The following SNTG1 variants were observed in gnomAD, a reference collection of about 807,000 sequenced individuals.
SNTG1 encodes the protein syntrophin gamma 1.
In SNTG1, 39 loss-of-function variants were observed where a neutral mutation model predicts 74.7. The ratio of observed to expected loss-of-function variants is 0.52; its 90% CI spans 0.40 to 0.68. The LOEUF (loss-of-function observed/expected upper bound fraction) is 0.68. Ranked by LOEUF, SNTG1 falls within the 30% of genes least tolerant of loss-of-function variation. SNTG1 has a pLI of 0.00. For missense variants in SNTG1, 685 were observed against 609.5 expected, an observed-to-expected ratio of 1.12 and a Z score of -1.30; for synonymous variants, 254 against 217.1, an observed-to-expected ratio of 1.17 and a Z score of -1.49.
At chr8:50,009,264 T>A (rs940488379) in intron 1 of SNTG1, among the ~76,000 whole-genome samples, 5 of 152,166 alleles carry the variant, frequency 3.3e-5, no homozygotes, top group Non-Finnish European at 5.9e-5. Flanking sequence ...GTCATGCTTT[T>A]GTCAACTTTA....
Position 50,112,969 on chromosome 8 carries a change from A to G in SNTG1, c.-102-59592A>G, listed in dbSNP as rs938964099. ...TGGTCTATATCTCTGTTTCGGTACCAGTACCATGCTGTTTTGGTTACTGTA... is the reference window on the plus strand; with the variant it reads ...TGGTCTATATCTCTGTTTCGGTACCGGTACCATGCTGTTTTGGTTACTGTA... On this transcript the variant is annotated intron_variant, in intron 1 of 18. Coordinates refer to ENST00000642720, the MANE Select transcript of SNTG1 (RefSeq NM_018967.5). Among the ~76,000 whole-genome samples, 42 of 152,300 alleles carry G rather than the reference A, an allele frequency of 2.8e-4. 1 individual carries two copies. The highest frequency in any genetic ancestry group is 5.7e-4 in the Non-Finnish European group (39 of 68,032).
intron 2 of SNTG1, among the ~76,000 whole-genome samples, chr8:50,325,487 T>C (rs555251725): frequency 3.6e-4 from 55 of 152,192 alleles, no homozygotes; most frequent in Non-Finnish European, 3.1e-4. Flanking sequence ...ATGTAAATGA[T>C]ATTGCATCTT....
intron 2 of SNTG1, among the ~76,000 whole-genome samples, chr8:50,258,740 A>G (rs1036763490): frequency 6.6e-6 from 1 of 152,176 alleles, no homozygotes; most frequent in Admixed American, 6.5e-5. Flanking sequence ...CATCTGAATA[A>G]CACAGGAAAA....
chr8:50,341,580 T>A (rs1293933489), intron 2 of SNTG1, among the ~76,000 whole-genome samples: 6 of 151,962 alleles, frequency 3.9e-5, no homozygotes, highest in Non-Finnish European at 8.8e-5. Flanking sequence ...GACGTGTGGC[T>A]GAAAATAAAT....
intron 13 of SNTG1, among the ~76,000 whole-genome samples, chr8:50,600,225 A>G (rs895268335): frequency 6.6e-6 from 1 of 151,976 alleles, no homozygotes; most frequent in African/African-American, 2.4e-5. Context: ...GGATTTTTGC[A>G]TCAGTTTTCA....
intron 17 of SNTG1, among the ~76,000 whole-genome samples, chr8:50,713,246 T>C (rs977293247): frequency 8.5e-5 from 13 of 152,246 alleles, no homozygotes; most frequent in African/African-American, 3.1e-4. Context: ...ATTTCTCTGA[T>C]GACCAGTGAT....
chr8:50,398,702 G>A lies in SNTG1; in HGVS notation c.28-3508G>A, dbSNP rs574342502. ...AGCACTTTGGGAGGCCGAGGCGGGT[G>A]GATCACCTGAGGTCAGGCGTTCGAG... On this transcript the variant is annotated intron_variant, in intron 3 of 18. Transcript: ENST00000642720. Among the ~76,000 whole-genome samples, 4 of 152,286 alleles carry A rather than the reference G, an allele frequency of 2.6e-5. No homozygotes were observed. In the East Asian group the frequency reaches 7.7e-4, roughly 30 times the overall value.
chr8:50,443,248 A>G (rs2093375020), intron 5 of SNTG1, among the ~76,000 whole-genome samples: 1 of 152,182 alleles, frequency 6.6e-6, no homozygotes, highest in Non-Finnish European at 1.5e-5. Flanking sequence ...GCTGCACATT[A>G]TTAAATTATA....
In SNTG1 at chr8:50,482,193, G is replaced by A. The variant is rs376191936; in HGVS notation, c.364-20585G>A. On this transcript the variant is annotated intron_variant, in intron 8 of 18. Transcript: ENST00000642720. ...CTCTGCTGCCCCAGGTTGCTATGGA[G>A]ACCACAGTGATAGTAGATATGAAAG... is the stretch of plus-strand genomic sequence containing the variant. 4.3e-4 allele frequency among the ~76,000 whole-genome samples: 66 copies of A among 152,266 alleles called. 1 individual carries two copies. In the East Asian group the frequency reaches 6.0e-3, roughly 14 times the overall value.
chr8:49,958,628 C>T (rs140502664), intron 1 of SNTG1, among the ~76,000 whole-genome samples: 4 of 152,224 alleles, frequency 2.6e-5, no homozygotes, highest in East Asian at 3.9e-4. Flanking sequence ...ACCATGTTGG[C>T]CAGGCTGGTC....
At chr8:50,102,061 T>C (rs1201816280) in intron 1 of SNTG1, among the ~76,000 whole-genome samples, 1 of 152,134 alleles carries the variant, frequency 6.6e-6, no homozygotes, top group Non-Finnish European at 1.5e-5. Context: ...TATAATCCTT[T>C]GGGTATATAA....
chr8:50,611,837 G>C (rs2094852127), intron 13 of SNTG1, among the ~76,000 whole-genome samples: 1 of 152,060 alleles, frequency 6.6e-6, no homozygotes, highest in South Asian at 2.1e-4. Context: ...AATGATCTTG[G>C]CTCACCACAC....
Position 50,265,798 on chromosome 8 carries a change from TG to T in SNTG1, c.-28+93164del, listed in dbSNP as rs551584257. 4.5e-3 allele frequency among the ~76,000 whole-genome samples: 681 copies of T among 152,000 alleles called. 7 individuals are homozygous for T. The highest frequency in any genetic ancestry group is 0.016 in the African/African-American group (651 of 41,512). ...CAATTGTATTTTTATAAAGTAGTGATGAAAAACCTTTAAATGAAATAAAAAA... is the reference window on the plus strand; with the variant it reads ...CAATTGTATTTTTATAAAGTAGTGATAAAAACCTTTAAATGAAATAAAAAA... On this transcript the variant is annotated intron_variant, in intron 2 of 18. Coordinates refer to ENST00000642720, the MANE Select transcript of SNTG1 (RefSeq NM_018967.5).
chr8:50,232,048 G>A (rs895084936), intron 2 of SNTG1, among the ~76,000 whole-genome samples: 7 of 151,268 alleles, frequency 4.6e-5, no homozygotes, highest in Non-Finnish European at 1.0e-4. Context: ...ACGTCTTCCT[G>A]AAAATGAAAG....
intron 11 of SNTG1, among the ~76,000 whole-genome samples, chr8:50,544,464 G>C (rs2623211): frequency 0.22 from 33,113 of 151,660 alleles, 4,701 homozygotes; most frequent in African/African-American, 0.4. Context: ...TAAGAGCTCT[G>C]TTAATATTTC....
chr8:50,232,354 A>G (rs1240540350), intron 2 of SNTG1, among the ~76,000 whole-genome samples: 3 of 151,456 alleles, frequency 2.0e-5, no homozygotes, highest in African/African-American at 7.2e-5. Context: ...AATCACCTGA[A>G]TAATAATTTG....
intron 12 of SNTG1, among the ~76,000 whole-genome samples, chr8:50,556,760 G>A (rs991004979): frequency 6.6e-6 from 1 of 152,112 alleles, no homozygotes; most frequent in Non-Finnish European, 1.5e-5. Context: ...TCACTTCCTG[G>A]CATTTACACC....
chr8:50,175,974 G>C (rs1483175012), intron 2 of SNTG1, among the ~76,000 whole-genome samples: 1 of 152,118 alleles, frequency 6.6e-6, no homozygotes, highest in Non-Finnish European at 1.5e-5. Flanking sequence ...GAGAGCCTGG[G>C]TGTCCTCAGC....
intron 4 of SNTG1, among the ~76,000 whole-genome samples, chr8:50,402,873 C>G (rs2092824672): frequency 6.6e-6 from 1 of 152,116 alleles, no homozygotes; most frequent in South Asian, 2.1e-4. Context: ...TTCTTTTCTC[C>G]AATGCTCCAA....
Sources: gnomAD v4.1 joint callset for allele counts (sites outside exome capture counted in the v4.1 genomes callset) on GRCh38, gnomAD v4.1.1 for gene constraint, MANE v1.5 for transcripts, NCBI Gene and HGNC (gene_info 2026-07-23, HGNC 2026-07-21) for gene names.